Variants in AK8 observed in about 807,000 individuals in gnomAD.
The protein encoded by AK8 is adenylate kinase 8, also known as ATP-AMP transphosphorylase 8.
In AK8, 44 loss-of-function variants were observed where a neutral mutation model predicts 54.6. That is an observed-to-expected ratio of 0.81 (90% CI 0.63 to 1.04). The LOEUF (loss-of-function observed/expected upper bound fraction) is 1.04. AK8 is among the 50% of genes least tolerant of loss of function. The pLI is 0.00. For synonymous variants in AK8, 239 were observed against 245.6 expected (o/e 0.97, Z 0.25); for missense variants, 555 against 613.6 (o/e 0.90, Z 1.01).
Position 132,863,751 on chromosome 9 carries a change from T to G in AK8, c.247A>C (p.Ser83Arg), listed in dbSNP as rs1257075286. Residue 83 changes from serine (S) to arginine (R), a missense_variant, in exon 4 of 13, where the codon AGC becomes CGC. Physicochemically the swap from Ser to Arg is moderately radical, Grantham distance 110 (BLOSUM62 -1). Transcript: ENST00000298545. ...AGGTTCTCCAGGGTGAGGAGACTGC[T>G]GTTCAGATGTTTGCAGAGCCACATT... ...IAMWLCKHLN[S>R]SLLTLENLIL... 3.1e-6 allele frequency: 5 copies of G among 1,613,972 alleles called. No homozygotes were observed. The Admixed American group carries it at 8.3e-5, about 27-fold the overall frequency.
intron 11 of AK8, among the ~76,000 whole-genome samples, chr9:132,743,838 C>T (rs1837510250): frequency 1.3e-5 from 2 of 152,216 alleles, no homozygotes; most frequent in East Asian, 1.9e-4. Context: ...GACTCGGGCT[C>T]TGAGAGGTGA....
Position 132,878,021 on chromosome 9 carries a change from C to A in AK8, c.84+151G>T. ...CCCAGCTCGAGGGCCCCCTCGGGGT[C>A]ACGGCGACACACGAATCGTACATCC... is the stretch of plus-strand genomic sequence containing the variant. On this transcript the variant is annotated intron_variant, in intron 1 of 12. Transcript: ENST00000298545. The surrounding 1 kb of genome is among the most constrained non-coding windows in gnomAD (Gnocchi z 4.7). 6.5e-7 allele frequency: 1 copy of A among 1,530,420 alleles called. No individual in the cohort carries two copies. The highest frequency in any genetic ancestry group is 1.2e-5 in the South Asian group (1 of 83,086). 94.8% of individuals were successfully genotyped at this position (1,530,420 alleles called of 1,614,324 possible).
At chr9:132,778,620 C>T (rs990483484) in intron 11 of AK8, among the ~76,000 whole-genome samples, 2 of 152,140 alleles carry the variant, frequency 1.3e-5, no homozygotes, top group African/African-American at 4.8e-5. Context: ...AAGTCATTAT[C>T]CAAGGGTTTC....
At chr9:132,830,022 T>C (rs1225477299) in intron 5 of AK8, among the ~76,000 whole-genome samples, 1 of 152,246 alleles carries the variant, frequency 6.6e-6, no homozygotes, top group Non-Finnish European at 1.5e-5. Flanking sequence ...CAAGTGCAGA[T>C]ACCTTTTTTC....
chr9:132,760,974 A>G (rs1838430723), intron 11 of AK8, among the ~76,000 whole-genome samples: 1 of 152,196 alleles, frequency 6.6e-6, no homozygotes. Flanking sequence ...ATATTTACGA[A>G]TAACATTGGC....
intron 11 of AK8, among the ~76,000 whole-genome samples, chr9:132,742,430 C>T (rs917013118): frequency 6.6e-6 from 1 of 152,188 alleles, no homozygotes; most frequent in Non-Finnish European, 1.5e-5. Flanking sequence ...CCGTGGCCTC[C>T]CAAAGTACTG....
chr9:132,783,295 A>C (rs901578744), intron 11 of AK8, among the ~76,000 whole-genome samples: 1 of 152,210 alleles, frequency 6.6e-6, no homozygotes, highest in Non-Finnish European at 1.5e-5. Flanking sequence ...TGGAAGAGGC[A>C]AGGAAACGGA....
intron 2 of AK8, among the ~76,000 whole-genome samples, chr9:132,873,485 C>A (rs1014978470): frequency 2.6e-5 from 4 of 152,214 alleles, no homozygotes; most frequent in African/African-American, 9.7e-5. Flanking sequence ...ACTTTCCACT[C>A]GCTCTTGGTT....
intron 11 of AK8, among the ~76,000 whole-genome samples, chr9:132,728,351 C>T (rs1170219736): frequency 6.6e-6 from 1 of 152,146 alleles, no homozygotes; most frequent in Non-Finnish European, 1.5e-5. Context: ...TTTGGGTGAG[C>T]TTTGGGGGAA....
intron 8 of AK8, among the ~76,000 whole-genome samples, chr9:132,825,993 T>C: frequency 6.6e-6 from 1 of 152,176 alleles, no homozygotes; most frequent in East Asian, 1.9e-4. Context: ...TACAGCTGTT[T>C]GGGGATAGAA....
chr9:132,762,077 C>T (rs1838500656), intron 11 of AK8, among the ~76,000 whole-genome samples: 1 of 152,154 alleles, frequency 6.6e-6, no homozygotes, highest in Admixed American at 6.5e-5. Flanking sequence ...ACCATGTTGG[C>T]CAGGCTGGTC....
chr9:132,814,600 C>T, intron 10 of AK8, 38 bp downstream of exon 10: 3 of 1,584,972 alleles, frequency 1.9e-6, no homozygotes, highest in Non-Finnish European at 1.7e-6. Context: ...CTCTCTGGAG[C>T]CTGTAAGGTC....
intron 11 of AK8, among the ~76,000 whole-genome samples, chr9:132,733,005 G>A (rs1836924859): frequency 6.6e-6 from 1 of 152,078 alleles, no homozygotes; most frequent in African/African-American, 2.4e-5. Context: ...CTTTGCCCAT[G>A]CTGTTCGCTG....
chr9:132,858,230 G>A (rs189061029), intron 4 of AK8, among the ~76,000 whole-genome samples: 3 of 152,336 alleles, frequency 2.0e-5, no homozygotes, highest in Admixed American at 1.3e-4. Context: ...CACCCAGTGC[G>A]GCTTTGGTGG....
At chr9:132,834,864 G>A (rs1842253485) in intron 5 of AK8, among the ~76,000 whole-genome samples, 2 of 131,380 alleles carry the variant, frequency 1.5e-5, no homozygotes, top group South Asian at 5.7e-4. Flanking sequence ...GCATTCAAGA[G>A]GTGCCTTTTT....
chr9:132,758,423 G>A (rs1433367763), intron 11 of AK8, among the ~76,000 whole-genome samples: 3 of 151,992 alleles, frequency 2.0e-5, no homozygotes, highest in African/African-American at 7.2e-5. Flanking sequence ...ATTTAAATTC[G>A]TATTTTCCAT....
chr9:132,860,885 A>G lies in AK8; in HGVS notation c.333+2780T>C, dbSNP rs1843358968. ...TACAGGAGGTCTTGCCATTGTCCAC[A>G]CTGAATATTCAATCTCAGTAGATCT... is the stretch of plus-strand genomic sequence containing the variant. On this transcript the variant is annotated intron_variant, in intron 4 of 12. Transcript: ENST00000298545. The surrounding 1 kb of genome is among the most constrained non-coding windows in gnomAD (Gnocchi z 4.4). Among the ~76,000 whole-genome samples, 1 of 152,172 alleles carries G rather than the reference A, an allele frequency of 6.6e-6. No individual in the cohort carries two copies. The highest frequency in any genetic ancestry group is 1.5e-5 in the Non-Finnish European group (1 of 68,032).
chr9:132,823,461 G>T, intron 8 of AK8, 125 bp from the exon 9 acceptor site: 1 of 1,324,176 alleles, frequency 7.6e-7, no homozygotes, highest in Non-Finnish European at 1.0e-6. Context: ...CACCATGGAA[G>T]CCCTCTGTGC....
chr9:132,874,365 G>A (rs1843993393), intron 2 of AK8: 1 of 152,284 alleles, frequency 6.6e-6, no homozygotes, highest in Non-Finnish European at 1.5e-5. Flanking sequence ...CCTCCACACA[G>A]GGCATCTCTG....
Sources: gnomAD v4.1 joint callset for allele counts (sites outside exome capture counted in the v4.1 genomes callset) on GRCh38, gnomAD v4.1.1 for gene constraint, Gnocchi (gnomAD v3.1) non-coding constraint, MANE v1.5 for transcripts, NCBI Gene and HGNC (gene_info 2026-07-23, HGNC 2026-07-21) for gene names.